The following CLPB variants were observed in gnomAD, a reference collection of about 807,000 sequenced individuals.
CLPB encodes ClpB family mitochondrial disaggregase, also known as mitochondrial disaggregase.
In CLPB, 40 loss-of-function variants were observed where a neutral mutation model predicts 78.4. The observed-to-expected ratio is 0.51, with a 90% CI of 0.40 to 0.66. The LOEUF (loss-of-function observed/expected upper bound fraction) is 0.66, where lower values mean the gene tolerates loss of function less well. Among genes scored for constraint, CLPB ranks in the 30% least tolerant of loss-of-function variants. The pLI is 0.00. For synonymous variants in CLPB, 333 were observed against 348.0 expected, an observed-to-expected ratio of 0.96 and a Z score of 0.48; for missense variants, 780 against 886.9, an observed-to-expected ratio of 0.88 and a Z score of 1.53.
intron 4 of CLPB, among the ~76,000 whole-genome samples, chr11:72,368,480 A>T (rs1346552221): frequency 6.6e-6 from 1 of 152,196 alleles, no homozygotes; most frequent in Non-Finnish European, 1.5e-5. Context: ...CTTTTTCTCT[A>T]AGTGATTACA....
chr11:72,376,230 C>A (rs1377886970), intron 4 of CLPB, among the ~76,000 whole-genome samples: 1 of 152,172 alleles, frequency 6.6e-6, no homozygotes, highest in Non-Finnish European at 1.5e-5. Context: ...CTACAGGATT[C>A]TTTTGTTTCT....
chr11:72,372,037 T>A (rs955927979), intron 4 of CLPB, among the ~76,000 whole-genome samples: 1 of 152,216 alleles, frequency 6.6e-6, no homozygotes, highest in African/African-American at 2.4e-5. Context: ...GTACTCCAAT[T>A]TGGGCCTTAA....
chr11:72,318,244 C>G (rs901942744), intron 6 of CLPB, among the ~76,000 whole-genome samples: 9 of 152,274 alleles, frequency 5.9e-5, no homozygotes, highest in African/African-American at 2.2e-4. Flanking sequence ...AGAGAATTAA[C>G]AGCTAGATGG....
intron 5 of CLPB, among the ~76,000 whole-genome samples, chr11:72,357,533 C>T (rs1375255810): frequency 2.6e-5 from 4 of 151,646 alleles, no homozygotes; most frequent in African/African-American, 4.9e-5. Flanking sequence ...CCTGTCTCTA[C>T]TAAAAATACA....
chr11:72,424,306 T>C lies in CLPB; in HGVS notation c.455+6006A>G, dbSNP rs577065599. 9.2e-5 allele frequency among the ~76,000 whole-genome samples: 14 copies of C among 152,350 alleles called. No homozygotes were observed. The South Asian group carries it at 2.9e-3, about 32-fold the overall frequency. Reference sequence around the variant, plus strand: ...CTTGCCCCATGCCTGGGGGCAATTGTTTAAAGCCATTTTTTTCTTTCTTTT... The same window carrying C: ...CTTGCCCCATGCCTGGGGGCAATTGCTTAAAGCCATTTTTTTCTTTCTTTT... On this transcript the variant is annotated intron_variant, in intron 2 of 15. Transcript: ENST00000538039.
At chr11:72,309,351 T>C (rs555426930) in intron 7 of CLPB, among the ~76,000 whole-genome samples, 7 of 152,256 alleles carry the variant, frequency 4.6e-5, no homozygotes, top group South Asian at 4.2e-4. Context: ...GGGCTATGCA[T>C]TCAATCTGAG....
chr11:72,343,624 G>A (rs1950460177), intron 5 of CLPB, among the ~76,000 whole-genome samples: 1 of 152,210 alleles, frequency 6.6e-6, no homozygotes, highest in South Asian at 2.1e-4. Flanking sequence ...AGGAAGGGGA[G>A]AGGACAGGGA....
rs1461178776 is a variant in CLPB, at chr11:72,293,502, G to A, written c.1899C>T (p.Ser633=). 6.2e-7 allele frequency: 1 copy of A among 1,614,188 alleles called. No homozygotes were observed. Among genetic ancestry groups the A allele is most frequent in the Non-Finnish European group, 8.5e-7 (1 of 1,180,038 alleles). Reference sequence around the variant, plus strand: ...CAGCCTGGGGTGAGGGCAGTTCTGGGCTTTTGAGTAGCTGCTTGTCTGAGT... The same window carrying A: ...CAGCCTGGGGTGAGGGCAGTTCTGGACTTTTGAGTAGCTGCTTGTCTGAGT... ...VEDSDKQLLK[S]PELPSPQAEK... is the part of the protein sequence containing the mutation. The change falls in exon 16 of 16, where the codon AGC becomes AGT. Residue 633 remains serine (S), a synonymous_variant. Transcript: ENST00000538039.
intron 4 of CLPB, among the ~76,000 whole-genome samples, chr11:72,371,564 A>AAAATG (rs1951043111): frequency 6.6e-6 from 1 of 150,708 alleles, no homozygotes; most frequent in Non-Finnish European, 1.5e-5. Flanking sequence ...AAAATAAAAT[A>AAAATG]AAATAAAATA....
At chr11:72,336,414 G>A (rs1950323272) in intron 5 of CLPB, among the ~76,000 whole-genome samples, 1 of 152,152 alleles carries the variant, frequency 6.6e-6, no homozygotes, top group South Asian at 2.1e-4. Context: ...CTGGGCTGGG[G>A]AGCCAGTGAG....
chr11:72,383,516 G>A (rs1326747802), intron 3 of CLPB, among the ~76,000 whole-genome samples: 1 of 141,092 alleles, frequency 7.1e-6, no homozygotes, highest in Non-Finnish European at 1.5e-5. Context: ...GGGCGACAGA[G>A]CAAGACTCTG....
chr11:72,297,308 T>C (rs1050039927), intron 11 of CLPB, among the ~76,000 whole-genome samples: 1 of 152,262 alleles, frequency 6.6e-6, no homozygotes, highest in Non-Finnish European at 1.5e-5. Flanking sequence ...AACCCAGTCC[T>C]ACTCCTTAGG....
intron 7 of CLPB, among the ~76,000 whole-genome samples, chr11:72,309,971 G>A (rs993072333): frequency 1.3e-5 from 2 of 152,208 alleles, no homozygotes; most frequent in Admixed American, 1.3e-4. Context: ...TCAAAGAAAC[G>A]ACTGCAGAGG....
Position 72,295,625 on chromosome 11 carries a change from C to T in CLPB, c.1353G>A (p.Gly451=), listed in dbSNP as rs1204085993. ...TGGCGTCCTTGCAATCAATGGTCTTCCCTTTTCCATCTGTCAGCCGGCCCT... is the reference window on the plus strand; with the variant it reads ...TGGCGTCCTTGCAATCAATGGTCTTTCCTTTTCCATCTGTCAGCCGGCCCT... ...FDEGRLTDGK[G]KTIDCKDAIF... The change falls in exon 12 of 16, where the codon GGG becomes GGA. Residue 451 remains glycine, a synonymous_variant. Coordinates refer to ENST00000538039, the MANE Select transcript of CLPB (RefSeq NM_001258392.3). 4.3e-6 allele frequency: 7 copies of T among 1,614,090 alleles called. No homozygotes were observed. The highest frequency in any genetic ancestry group is 1.7e-5 in the Admixed American group (1 of 60,012).
chr11:72,341,981 A>C (rs918838444), intron 5 of CLPB, among the ~76,000 whole-genome samples: 1 of 152,202 alleles, frequency 6.6e-6, no homozygotes, highest in African/African-American at 2.4e-5. Context: ...TGAATTAGAG[A>C]AGTGGGGACA....
intron 7 of CLPB, among the ~76,000 whole-genome samples, chr11:72,309,943 A>G (rs1949814688): frequency 6.6e-6 from 1 of 152,156 alleles, no homozygotes; most frequent in African/African-American, 2.4e-5. Context: ...CCTAACTACT[A>G]TACTGTGTGG....
At chr11:72,294,486 G>C in intron 13 of CLPB, 42 bp from the exon 14 acceptor site, 1 of 1,613,228 alleles carries the variant, frequency 6.2e-7, no homozygotes, top group African/African-American at 1.3e-5. Context: ...CAGTGACCCA[G>C]AGCGGGTTAG....
In CLPB at chr11:72,286,013, C is replaced by T. The variant is rs981228173; in HGVS notation, c.*7354G>A. ...GTGGCACGATCTCATCTCACAGCAA[C>T]CTCCACCTCCTGAGCTCCAGTTATA... On this transcript the variant is annotated 3_prime_UTR_variant, in exon 16 of 16. Transcript: ENST00000538039. The T allele has an allele frequency of 4.0e-5, 6 of 150,236 alleles. No individual in the cohort carries two copies. Among genetic ancestry groups the T allele is most frequent in the African/African-American group, 1.5e-4 (6 of 40,586 alleles). The allele number at this position is 150,236 out of a possible 1,614,324, so 9.3% of individuals were successfully genotyped here.
Position 72,308,057 on chromosome 11 carries a change from A to G in CLPB, c.1066+470T>C, listed in dbSNP as rs140292531. On this transcript the variant is annotated intron_variant, in intron 8 of 15. Transcript: ENST00000538039. ...AGAATGCCTCGGATAATCCAGCCCAACTGGCTAGAAAAATACTCAACCCAT... is the reference window on the plus strand; with the variant it reads ...AGAATGCCTCGGATAATCCAGCCCAGCTGGCTAGAAAAATACTCAACCCAT... 4.5e-4 allele frequency among the ~76,000 whole-genome samples: 69 copies of G among 152,314 alleles called. No individual in the cohort carries two copies. The East Asian group carries it at 9.3e-3, about 20-fold the overall frequency.
Sources: gnomAD v4.1 joint callset for allele counts (sites outside exome capture counted in the v4.1 genomes callset) on GRCh38, gnomAD v4.1.1 for gene constraint, MANE v1.5 for transcripts, NCBI Gene and HGNC (gene_info 2026-07-23, HGNC 2026-07-21) for gene names.